PDE4D: variants seen among roughly 807,000 people sequenced by gnomAD.
The protein encoded by PDE4D is phosphodiesterase 4D.
A neutral mutation model predicts 87.4 loss-of-function variants in PDE4D; 24 were observed. The ratio of observed to expected loss-of-function variants is 0.27; its 90% confidence interval spans 0.20 to 0.39. The LOEUF (loss-of-function observed/expected upper bound fraction) is 0.39, where lower values mean the gene tolerates loss of function less well. Among genes scored for constraint, PDE4D ranks in the 10% least tolerant of loss-of-function variants. The pLI, the probability that PDE4D is intolerant of heterozygous loss-of-function variation, is 1.00. For missense variants in PDE4D, 714 were observed against 1,041.0 expected (o/e 0.69, Z 4.32); for synonymous variants, 384 against 383.2 (o/e 1.00, Z -0.02).
chr5:60,460,622 CT>C, intron 1 of PDE4D: 2 of 1,229,462 alleles, frequency 1.6e-6, no homozygotes, highest in Non-Finnish European at 1.2e-6. Flanking sequence ...TCTTGCTGTT[CT>C]TTTTCTCCCT....
At chr5:60,185,281 C>A (rs989297657) in intron 2 of PDE4D, among the ~76,000 whole-genome samples, 1 of 152,008 alleles carries the variant, frequency 6.6e-6, no homozygotes, top group African/African-American at 2.4e-5. Context: ...TCTGCATGCA[C>A]TCAAAAATTA....
intron 1 of PDE4D, among the ~76,000 whole-genome samples, chr5:59,324,405 C>A (rs774820454): frequency 6.6e-6 from 1 of 152,122 alleles, no homozygotes; most frequent in Non-Finnish European, 1.5e-5. Context: ...ATGAGGGAAA[C>A]CTGATTGTCT....
chr5:60,216,011 G>T (rs1465430654), intron 1 of PDE4D, among the ~76,000 whole-genome samples: 5 of 152,084 alleles, frequency 3.3e-5, no homozygotes, highest in South Asian at 2.1e-4. Flanking sequence ...AACTTAGGAA[G>T]GAAAGGGAAT....
chr5:59,976,831 C>CATT (rs1761384266), intron 3 of PDE4D, among the ~76,000 whole-genome samples: 1 of 152,056 alleles, frequency 6.6e-6, no homozygotes, highest in Admixed American at 6.6e-5. Context: ...TGAACTTTTT[C>CATT]ATTATTATTA....
chr5:59,709,169 C>T (rs904515820), intron 1 of PDE4D, among the ~76,000 whole-genome samples: 1 of 152,084 alleles, frequency 6.6e-6, no homozygotes, highest in Non-Finnish European at 1.5e-5. Context: ...AGGATCAGAG[C>T]CCTTTCCCCT....
chr5:59,983,735 T>C (rs1762141623), intron 3 of PDE4D, among the ~76,000 whole-genome samples: 1 of 152,166 alleles, frequency 6.6e-6, no homozygotes, highest in African/African-American at 2.4e-5. Context: ...AGAACAACTG[T>C]ACCTACTACG....
At chr5:59,283,878 A>T (rs1766338180) in intron 1 of PDE4D, among the ~76,000 whole-genome samples, 1 of 152,138 alleles carries the variant, frequency 6.6e-6, no homozygotes, top group Admixed American at 6.6e-5. Context: ...TCACAGGGGG[A>T]TTCAAATCCC....
intron 1 of PDE4D, chr5:59,768,791 G>T (rs1763139659): frequency 1.6e-6 from 1 of 606,826 alleles, no homozygotes; most frequent in Non-Finnish European, 2.6e-6. Context: ...CACCGCGCTC[G>T]CACGGCTTTG....
intron 3 of PDE4D, among the ~76,000 whole-genome samples, chr5:59,913,386 A>G (rs1753659207): frequency 6.6e-6 from 1 of 152,336 alleles, no homozygotes; most frequent in South Asian, 2.1e-4. Flanking sequence ...TTCTGTTTAG[A>G]AAAGCTAACA....
At chr5:59,506,961 CA>C (rs1809377503) in intron 1 of PDE4D, among the ~76,000 whole-genome samples, 1 of 152,026 alleles carries the variant, frequency 6.6e-6, no homozygotes, top group Non-Finnish European at 1.5e-5. Flanking sequence ...ATGCATTATA[CA>C]AAAAGATGTA....
Position 59,706,188 on chromosome 5 carries a change from G to A in PDE4D, c.455+186980C>T, listed in dbSNP as rs1753380510. ...TGGGTTACTAGGTTCCATTTATTTG[G>A]TTATGGAGGATGTTCTTCACCCAAG... is the stretch of plus-strand genomic sequence containing the variant. On this transcript the variant is annotated intron_variant, in intron 1 of 14. Transcript: ENST00000340635. 2.0e-5 allele frequency among the ~76,000 whole-genome samples: 3 copies of A among 152,078 alleles called. No individual in the cohort carries two copies. The South Asian group carries it at 6.2e-4, about 32-fold the overall frequency.
intron 2 of PDE4D, among the ~76,000 whole-genome samples, chr5:60,110,773 T>C (rs563609669): frequency 3.9e-5 from 6 of 152,044 alleles, no homozygotes; most frequent in South Asian, 2.1e-4. Context: ...AACAGACAAA[T>C]AGATAAAGAA....
At chr5:59,023,031 C>G (rs1377648937) in intron 6 of PDE4D, among the ~76,000 whole-genome samples, 1 of 151,602 alleles carries the variant, frequency 6.6e-6, no homozygotes, top group African/African-American at 2.4e-5. Flanking sequence ...AAAAATTAGC[C>G]AGGCGTGGTG....
chr5:59,540,505 C>T (rs1022806690), intron 1 of PDE4D, among the ~76,000 whole-genome samples: 2 of 152,022 alleles, frequency 1.3e-5, no homozygotes, highest in African/African-American at 4.8e-5. Flanking sequence ...TTTCTTTGTT[C>T]GGGAGCCAAG....
chr5:59,004,148 C>A (rs1274245178), intron 6 of PDE4D, among the ~76,000 whole-genome samples: 6 of 141,898 alleles, frequency 4.2e-5, no homozygotes, highest in African/African-American at 1.0e-4. Context: ...AAAAAAAAAT[C>A]AGTATAATGG....
At chr5:60,052,085 A>T (rs1770233158) in intron 2 of PDE4D, among the ~76,000 whole-genome samples, 1 of 152,208 alleles carries the variant, frequency 6.6e-6, no homozygotes, top group Admixed American at 6.5e-5. Flanking sequence ...GACCAGACAG[A>T]TTCACAACTG....
rs540740333 is a variant in PDE4D at position 59,412,457 on chromosome 5, C to T, written c.456-196489G>A. Among the ~76,000 whole-genome samples the T allele has an allele frequency of 3.5e-4, 53 of 152,238 alleles. 2 individuals are homozygous for T. In the South Asian group the frequency reaches 0.011, roughly 32 times the overall value. Reference sequence around the variant, plus strand: ...CTCTGCTTAGGGCAAGTTGGGAGCACTGGAGTGGGGGAAGAACTGATTATA... The same window carrying T: ...CTCTGCTTAGGGCAAGTTGGGAGCATTGGAGTGGGGGAAGAACTGATTATA... On this transcript the variant is annotated intron_variant, in intron 1 of 14. Coordinates refer to ENST00000340635, the MANE Select transcript of PDE4D (RefSeq NM_001104631.2).
At chr5:59,599,156 T>G (rs953306389) in intron 1 of PDE4D, among the ~76,000 whole-genome samples, 11 of 152,106 alleles carry the variant, frequency 7.2e-5, no homozygotes, top group Non-Finnish European at 1.5e-4. Context: ...AAAATATTTG[T>G]AAATGGATAT....
chr5:60,374,119 G>A (rs746308298), intron 1 of PDE4D, among the ~76,000 whole-genome samples: 4 of 152,124 alleles, frequency 2.6e-5, no homozygotes, highest in Admixed American at 2.0e-4. Flanking sequence ...AAAGATACAG[G>A]TGAGCCAGGA....
Sources: gnomAD v4.1 joint callset for allele counts (sites outside exome capture counted in the v4.1 genomes callset) on GRCh38, gnomAD v4.1.1 for gene constraint, MANE v1.5 for transcripts, NCBI Gene and HGNC (gene_info 2026-07-23, HGNC 2026-07-21) for gene names.